The following CCDC77 variants were observed in gnomAD, a reference collection of about 807,000 sequenced individuals.
CCDC77 encodes coiled-coil domain containing 77.
A neutral mutation model predicts 66.8 loss-of-function variants in CCDC77; 56 were observed. The ratio of observed to expected loss-of-function variants is 0.84; its 90% CI spans 0.68 to 1.05. The LOEUF (loss-of-function observed/expected upper bound fraction) is 1.05. CCDC77 is among the 50% of genes least tolerant of loss of function. CCDC77 has a pLI of 0.00. For synonymous variants in CCDC77, 196 were observed against 195.2 expected (o/e 1.00, Z -0.03); for missense variants, 570 against 576.8 (o/e 0.99, Z 0.12).
chr12:411,907 G>C lies in CCDC77; in HGVS notation c.199G>C (p.Ala67Pro). Residue 67 changes from alanine (A) to proline (P), a missense_variant, in exon 4 of 13, where the codon GCT (alanine) becomes CCT (proline). Transcript: ENST00000239830. ...ELLEYYQKKM[A>P]ECEAENEDLL... is the part of the protein sequence containing the mutation. ...CCTGGAATATTATCAAAAGAAGATG[G>C]CTGAGTGTGAGGCAGAAAATGAGGA... 1 of 1,614,020 alleles carries C rather than the reference G, an allele frequency of 6.2e-7. No homozygotes were observed. The highest frequency in any genetic ancestry group is 1.3e-5 in the African/African-American group (1 of 74,988).
intron 9 of CCDC77, 61 bp downstream of exon 9, chr12:433,383 T>G: frequency 1.3e-6 from 2 of 1,586,456 alleles, no homozygotes; most frequent in Middle Eastern, 1.7e-4. Flanking sequence ...ACTTAAAAGT[T>G]AACATTTTGT....
At chr12:431,103 A>G (rs1406309438) in intron 7 of CCDC77, among the ~76,000 whole-genome samples, 6 of 151,256 alleles carry the variant, frequency 4.0e-5, no homozygotes, top group African/African-American at 9.7e-5. Context: ...CACAATTGGA[A>G]ATGTTTTCCT....
rs559418478 is a variant in CCDC77, at chr12:433,253, G to A, written c.752G>A (p.Arg251Gln). Residue 251 changes from arginine to glutamine, a missense_variant, in exon 9 of 13, where the codon CGG becomes CAG. Physicochemically the swap from Arg to Gln is conservative, Grantham distance 43. Coordinates refer to ENST00000239830, the MANE Select transcript of CCDC77 (RefSeq NM_032358.4). ...ATTGAAGGGCTCATCGAGGACAGAC[G>A]GATTCACCTTGAGGAAATACAAGTT... Reference protein sequence around the residue: ...EQIEGLIEDRRIHLEEIQVQH... With the variant: ...EQIEGLIEDRQIHLEEIQVQH... 3.2e-5 allele frequency: 52 copies of A among 1,613,932 alleles called. No homozygotes were observed. The highest frequency in any genetic ancestry group is 1.2e-4 in the Admixed American group (7 of 59,990).
In CCDC77 at chr12:423,468, GTGTTTTT is replaced by G. The variant is rs1375753419; in HGVS notation, c.413+4836_413+4842del. ...ACTTGTTATTTTCTGGGTGTTTTTT[GTGTTTTT>G]TGTGTTTTTTTTTGTTTTGTTTTTT... On this transcript the variant is annotated intron_variant, in intron 5 of 12. Transcript: ENST00000239830. Among the ~76,000 whole-genome samples, 785 of 41,428 alleles carry G rather than the reference GTGTTTTT, an allele frequency of 0.019. 37 individuals are homozygous for G. The East Asian group carries it at 0.2, about 10-fold the overall frequency. The allele number at this position is 41,428 out of a possible 152,430, so 27.2% of individuals were successfully genotyped here.
chr12:399,931 T>G (rs1354848672), upstream of CCDC77, among the ~76,000 whole-genome samples: 1 of 152,266 alleles, frequency 6.6e-6, no homozygotes, highest in Non-Finnish European at 1.5e-5. Flanking sequence ...TCTCTCTAGC[T>G]ACAAAAGTAC....
At chr12:394,947 G>C (rs190855985) in intron 1 of CCDC77, among the ~76,000 whole-genome samples, 1 of 152,252 alleles carries the variant, frequency 6.6e-6, no homozygotes. Flanking sequence ...CTAGTAGAAA[G>C]GGAAGACAAA....
chr12:402,832 G>A (rs542195350), intron 1 of CCDC77, among the ~76,000 whole-genome samples: 1 of 152,312 alleles, frequency 6.6e-6, no homozygotes, highest in African/African-American at 2.4e-5. Flanking sequence ...TAGACAGGAG[G>A]TTCAGAAGAA....
chr12:415,359 T>TAATCAACATAA (rs1591971857), intron 4 of CCDC77, among the ~76,000 whole-genome samples: 2 of 112,378 alleles, frequency 1.8e-5, no homozygotes, highest in East Asian at 4.1e-4. Context: ...CAACATAATA[T>TAATCAACATAA]TATGTTAATA....
intron 1 of CCDC77, among the ~76,000 whole-genome samples, chr12:402,858 T>C (rs1944923205): frequency 6.6e-6 from 1 of 152,168 alleles, no homozygotes; most frequent in Non-Finnish European, 1.5e-5. Flanking sequence ...GATCAAATGA[T>C]GAATTTAAGT....
At chr12:397,751 A>T (rs1944846908), upstream of CCDC77, among the ~76,000 whole-genome samples, 1 of 151,648 alleles carries the variant, frequency 6.6e-6, no homozygotes, top group South Asian at 2.1e-4. Context: ...GGTTCAAGTG[A>T]TTCTCCTGCC....
Position 428,851 on chromosome 12 carries a change from G to A in CCDC77, c.496G>A (p.Glu166Lys). The A allele has an allele frequency of 6.2e-7, 1 of 1,608,706 alleles. No individual in the cohort carries two copies. Among genetic ancestry groups the A allele is most frequent in the East Asian group, 2.2e-5 (1 of 44,754 alleles). ...DAGEVTYFCKEPPHKVTILQK... is the reference protein window; with the variant it reads ...DAGEVTYFCKKPPHKVTILQK... The stretch of plus-strand genomic sequence containing the variant: ...TGGAGAAGTGACCTATTTTTGTAAG[G>A]AGCCTCCTCACAAAGTAAGTAATCT... The change falls in exon 6 of 13, where the codon GAG becomes AAG. Residue 166 changes from glutamate (E) to lysine (K), a missense_variant. Transcript: ENST00000239830.
intron 1 of CCDC77, among the ~76,000 whole-genome samples, chr12:391,418 G>A (rs1944753658): frequency 6.6e-6 from 1 of 151,614 alleles, no homozygotes; most frequent in Admixed American, 6.6e-5. Flanking sequence ...TCGTGCCACT[G>A]TACTCCAGCC....
intron 5 of CCDC77, among the ~76,000 whole-genome samples, chr12:425,951 GC>G (rs1276954307): frequency 6.6e-6 from 1 of 152,090 alleles, no homozygotes; most frequent in Non-Finnish European, 1.5e-5. Context: ...TGCAACCTCC[GC>G]CTCCCAGATT....
chr12:431,816 A>T (rs759194663), intron 7 of CCDC77, 50 bp from the exon 8 acceptor site: 3 of 1,213,194 alleles, frequency 2.5e-6, no homozygotes, highest in Non-Finnish European at 3.6e-6. Flanking sequence ...TCAATAGCAC[A>T]CAGAAAAGCT....
At chr12:427,941 G>A (rs190835611) in intron 5 of CCDC77, among the ~76,000 whole-genome samples, 37 of 152,256 alleles carry the variant, frequency 2.4e-4, no homozygotes, top group South Asian at 8.3e-4. Flanking sequence ...CGTCCAACAC[G>A]ATAGGGATCT....
intron 5 of CCDC77, among the ~76,000 whole-genome samples, chr12:421,526 TA>T (rs558394951): frequency 0.018 from 81 of 4,478 alleles, no homozygotes; most frequent in Non-Finnish European, 0.022. Flanking sequence ...AGTGAGAGGG[TA>T]AAACACACAT....
rs1565567726 is a variant in CCDC77 at position 415,271 on chromosome 12, T to TATTAACATAATATTATGTTAATATA, written c.271-3220_271-3196dup. 6.1e-5 allele frequency among the ~76,000 whole-genome samples: 8 copies of TATTAACATAATATTATGTTAATATA among 130,294 alleles called. 1 individual carries two copies. Among genetic ancestry groups the TATTAACATAATATTATGTTAATATA allele is most frequent in the South Asian group, 2.5e-4 (1 of 4,012 alleles). The allele number at this position is 130,294 out of a possible 152,430, so 85.5% of individuals were successfully genotyped here. On this transcript the variant is annotated intron_variant, in intron 4 of 12. Transcript: ENST00000239830. ...AGTTGTTAATATTTATTAACATAAT[T>TATTAACATAATATTATGTTAATATA]ATTAACATAATATTATGTTAATATA... is the stretch of plus-strand genomic sequence containing the variant.
At chr12:439,818 G>A (rs147031142) in intron 10 of CCDC77, among the ~76,000 whole-genome samples, 2 of 151,938 alleles carry the variant, frequency 1.3e-5, no homozygotes, top group East Asian at 1.9e-4. Flanking sequence ...TATAAAATGC[G>A]GTATTAAGGG....
rs201103301 is a variant in CCDC77 at position 415,448 on chromosome 12, A to T, written c.271-3046A>T. Among the ~76,000 whole-genome samples, 45 of 126,124 alleles carry T rather than the reference A, an allele frequency of 3.6e-4. 4 individuals carry two copies. Among genetic ancestry groups the T allele is most frequent in the Admixed American group, 7.0e-4 (7 of 10,016 alleles). 82.7% of individuals were successfully genotyped at this position (126,124 alleles called of 152,430 possible). On this transcript the variant is annotated intron_variant, in intron 4 of 12. Coordinates refer to ENST00000239830, the MANE Select transcript of CCDC77 (RefSeq NM_032358.4). ...ACATAATTAACATAATAATATGTTAATATTAACATAATTATTAACATAATA... is the reference window on the plus strand; with the variant it reads ...ACATAATTAACATAATAATATGTTATTATTAACATAATTATTAACATAATA...
Sources: gnomAD v4.1 joint callset for allele counts (sites outside exome capture counted in the v4.1 genomes callset) on GRCh38, gnomAD v4.1.1 for gene constraint, MANE v1.5 for transcripts, NCBI Gene and HGNC (gene_info 2026-07-23, HGNC 2026-07-21) for gene names.